The following PHLDB3 variants were observed in gnomAD, a reference collection of about 807,000 sequenced individuals.
PHLDB3 encodes the protein pleckstrin homology-like domain family B member 3.
A neutral mutation model predicts 85.7 loss-of-function variants in PHLDB3; 86 were observed. The observed-to-expected ratio is 1.00, with a 90% CI of 0.84 to 1.20. The LOEUF (loss-of-function observed/expected upper bound fraction) is 1.20. Ranked by LOEUF, PHLDB3 falls within the 50% of genes most tolerant of loss-of-function variation. The probability of loss-of-function intolerance (pLI) is 0.00; values close to 1 mark genes in which losing one functional copy is unlikely to be tolerated. For missense variants in PHLDB3, 995 were observed against 873.0 expected (o/e 1.14, Z -1.76); for synonymous variants, 376 against 349.8 (o/e 1.07, Z -0.83).
At chr19:43,482,530 CTGTTTGTTTGTT>C (rs111789790) in intron 13 of PHLDB3, among the ~76,000 whole-genome samples, 1 of 151,944 alleles carries the variant, frequency 6.6e-6, no homozygotes, top group Non-Finnish European at 1.5e-5. Context: ...AGGAGCAATT[CTGTTTGTTTGTT>C]TGTTTGTTTG....
intron 14 of PHLDB3, among the ~76,000 whole-genome samples, chr19:43,478,400 C>T (rs1970971541): frequency 1.3e-5 from 2 of 152,114 alleles, no homozygotes; most frequent in African/African-American, 4.8e-5. Flanking sequence ...AGGGAAGGAA[C>T]TCAGGGAGTG....
chr19:43,477,489 C>A (rs946116279), intron 15 of PHLDB3, among the ~76,000 whole-genome samples: 17 of 146,100 alleles, frequency 1.2e-4, no homozygotes, highest in Non-Finnish European at 2.2e-4. Context: ...CGCACTCCAG[C>A]CTGGGCAACA....
chr19:43,475,603 G>A, intron 15 of PHLDB3, 59 bp from the exon 16 acceptor site: 1 of 1,602,868 alleles, frequency 6.2e-7, no homozygotes, highest in African/African-American at 1.3e-5. Context: ...CAGTCTGGGT[G>A]CGAACCCAGC....
Position 43,495,581 on chromosome 19 carries a change from G to T in PHLDB3, c.865C>A (p.Gln289Lys). 1.2e-6 allele frequency: 2 copies of T among 1,610,532 alleles called. No homozygotes were observed. Among genetic ancestry groups the T allele is most frequent in the African/African-American group, 2.7e-5 (2 of 74,936 alleles). ...ATCTGCTCCCCCAGTGACTTGAGCT[G>T]CTCTTCCAGGACCCGGATCCGGTGC... ...LQHRIRVLEE[Q>K]LKSLGEQMAA... The change falls in exon 7 of 16, where the codon CAG becomes AAG. Residue 289 changes from glutamine (Q) to lysine (K), a missense_variant. Gln to Lys is a moderately conservative substitution (Grantham distance 53). Transcript: ENST00000292140.
At chr19:43,479,272 G>C in intron 14 of PHLDB3, 105 bp downstream of exon 14, 2 of 1,201,300 alleles carry the variant, frequency 1.7e-6, no homozygotes, top group Non-Finnish European at 2.4e-6. Flanking sequence ...CTGGATCCTG[G>C]GGAACATGGA....
At chr19:43,486,117 G>A in intron 13 of PHLDB3, 149 bp downstream of exon 13, 1 of 1,406,838 alleles carries the variant, frequency 7.1e-7, no homozygotes, top group Non-Finnish European at 9.2e-7. Flanking sequence ...ACAGGAACTG[G>A]TCCTCTGCAG....
At chr19:43,500,603 A>G (rs1971564209) in intron 4 of PHLDB3, among the ~76,000 whole-genome samples, 2 of 152,166 alleles carry the variant, frequency 1.3e-5, no homozygotes, top group Non-Finnish European at 2.9e-5. Flanking sequence ...GGGAAACACA[A>G]AAACTAACCA....
chr19:43,497,966 G>T (rs1029873593), intron 4 of PHLDB3, 90 bp from the exon 5 acceptor site: 34 of 1,495,354 alleles, frequency 2.3e-5, no homozygotes, highest in Non-Finnish European at 2.8e-5. Flanking sequence ...TGGGGTGTCG[G>T]CTGTACAAAG....
At chr19:43,502,362 A>T in intron 2 of PHLDB3, 79 bp from the exon 3 acceptor site, 1 of 1,392,130 alleles carries the variant, frequency 7.2e-7, no homozygotes, top group East Asian at 2.5e-5. Context: ...CCCACCCAAC[A>T]TCACCCTCTG....
chr19:43,488,533 T>TG (rs1971238083), intron 9 of PHLDB3, among the ~76,000 whole-genome samples: 1 of 152,094 alleles, frequency 6.6e-6, no homozygotes, highest in Admixed American at 6.6e-5. Flanking sequence ...TGCCCTCACA[T>TG]GATACTGGGG....
chr19:43,485,031 T>C (rs2145905297), intron 13 of PHLDB3, among the ~76,000 whole-genome samples: 1 of 151,590 alleles, frequency 6.6e-6, no homozygotes, highest in African/African-American at 2.4e-5. Flanking sequence ...ATATTAAAAA[T>C]AAAAATAAAA....
intron 9 of PHLDB3, among the ~76,000 whole-genome samples, chr19:43,489,341 TG>T (rs1295674206): frequency 1.4e-4 from 21 of 148,750 alleles, no homozygotes; most frequent in Non-Finnish European, 2.1e-4. Flanking sequence ...CACTCCAGCC[TG>T]GGCGACAGTG....
rs1261911581 is a variant in PHLDB3 at position 43,475,488 on chromosome 19, C to G, written c.1845G>C (p.Met615Ile). The G allele has an allele frequency of 6.2e-7, 1 of 1,613,934 alleles. No individual in the cohort carries two copies. The highest frequency in any genetic ancestry group is 1.7e-5 in the Admixed American group (1 of 60,016). ...CVKTYERLFY[M>I]VAPSPEAMRI... Reference sequence around the variant, plus strand: ...GCATGGCTTCGGGGCTCGGAGCCACCATGTAGAAAAGGCGTTCGTAGGTTT... The same window carrying G: ...GCATGGCTTCGGGGCTCGGAGCCACGATGTAGAAAAGGCGTTCGTAGGTTT... Residue 615 changes from methionine to isoleucine, a missense_variant, in exon 16 of 16, where the codon ATG becomes ATC. Met to Ile is a conservative substitution (Grantham distance 10, BLOSUM62 1). Coordinates refer to ENST00000292140, the MANE Select transcript of PHLDB3 (RefSeq NM_198850.4).
Position 43,501,859 on chromosome 19 carries a change from C to A in PHLDB3, c.409G>T (p.Val137Leu). The change falls in exon 4 of 16, where the codon GTG (valine) becomes TTG (leucine). Residue 137 changes from valine (V) to leucine (L), a missense_variant. Val to Leu is a conservative substitution (Grantham distance 32). Transcript: ENST00000292140. ...KELRIEMEVE[V>L]ALLRGELAGE... Reference sequence around the variant, plus strand: ...GCCAGCTCACCCCGCAGCAAGGCCACCTCCACCTCCATCTGCGGAGAGAAT... The same window carrying A: ...GCCAGCTCACCCCGCAGCAAGGCCAACTCCACCTCCATCTGCGGAGAGAAT... The A allele has an allele frequency of 3.8e-6, 6 of 1,592,706 alleles. No individual in the cohort carries two copies. The highest frequency in any genetic ancestry group is 4.3e-6 in the Non-Finnish European group (5 of 1,170,116).
At chr19:43,494,350 GCAGTTTTA>G (rs1971391299) in intron 9 of PHLDB3, among the ~76,000 whole-genome samples, 1 of 58,308 alleles carries the variant, frequency 1.7e-5, no homozygotes, top group Non-Finnish European at 3.6e-5. Context: ...CACCACCCCC[GCAGTTTTA>G]AGGAAGTCTA....
chr19:43,499,083 G>A (rs1471241007), intron 4 of PHLDB3, among the ~76,000 whole-genome samples: 2 of 152,126 alleles, frequency 1.3e-5, no homozygotes, highest in African/African-American at 4.8e-5. Flanking sequence ...GTGGAGAGCA[G>A]CTGCCTCGGG....
intron 15 of PHLDB3, among the ~76,000 whole-genome samples, chr19:43,476,085 G>A (rs1279273447): frequency 6.6e-6 from 1 of 152,208 alleles, no homozygotes; most frequent in Non-Finnish European, 1.5e-5. Context: ...GTGAGCCACT[G>A]TGCCAGGCCG....
At position 43,501,756 on chromosome 19, in the gene PHLDB3, C is replaced by CGCTGCTCCGAGGCCGCCT. The variant is rs752979501; in HGVS notation, c.494_511dup (p.Gln165_Gln170dup). 1 of 1,583,882 alleles carries CGCTGCTCCGAGGCCGCCT rather than the reference C, an allele frequency of 6.3e-7. No homozygotes were observed. Among genetic ancestry groups the CGCTGCTCCGAGGCCGCCT allele is most frequent in the South Asian group, 1.1e-5 (1 of 87,392 alleles). Reference sequence around the variant, plus strand: ...GACCTGTTCCCGCTGCTGGCGGCCGCGCTGCTCCGAGGCCGCCTGCTGCTC... The same window carrying CGCTGCTCCGAGGCCGCCT: ...GACCTGTTCCCGCTGCTGGCGGCCGCGCTGCTCCGAGGCCGCCTGCTGCTCCGAGGCCGCCTGCTGCTC... On this transcript the variant is annotated inframe_insertion, in exon 4 of 16. Transcript: ENST00000292140.
Position 43,475,364 on chromosome 19 carries a change from G to C in PHLDB3, c.*46C>G. ...GCCTAGGAACGCCCCCGCGCCCCGC[G>C]CCGGCGGAGCCTCGAAGGGACTTCC... On this transcript the variant is annotated 3_prime_UTR_variant, in exon 16 of 16. Coordinates refer to ENST00000292140, the MANE Select transcript of PHLDB3 (RefSeq NM_198850.4). 1 of 1,599,272 alleles carries C rather than the reference G, an allele frequency of 6.3e-7. No homozygotes were observed. Among genetic ancestry groups the C allele is most frequent in the Non-Finnish European group, 8.5e-7 (1 of 1,171,106 alleles).
Sources: allele counts gnomAD v4.1 joint callset (sites outside exome capture counted in the v4.1 genomes callset), GRCh38; gene constraint gnomAD v4.1.1; transcripts MANE v1.5; gene names NCBI Gene and HGNC (gene_info 2026-07-23, HGNC 2026-07-21).